DRC11: variants seen among roughly 807,000 people sequenced by gnomAD.
DRC11 encodes the protein dynein regulatory complex subunit 11.
the DRC11 span, among the ~76,000 whole-genome samples, chr2:236,402,790 T>C: frequency 6.6e-6 from 1 of 152,094 alleles, no homozygotes; most frequent in Non-Finnish European, 1.5e-5. This position sits in a 1 kb window ranked among gnomAD's most constrained non-coding sequence, Gnocchi z 6.0. Context: ...GACCCAGGCA[T>C]TAGAGAAAAG....
the DRC11 span, among the ~76,000 whole-genome samples, chr2:236,457,069 C>A: frequency 6.6e-6 from 1 of 152,162 alleles, no homozygotes; most frequent in Non-Finnish European, 1.5e-5. The surrounding 1 kb of genome is among the most constrained non-coding windows in gnomAD (Gnocchi z 4.7). Flanking sequence ...ACAACCAAGA[C>A]CCCTTTACGA....
At chr2:236,371,075 T>C in the DRC11 span, among the ~76,000 whole-genome samples, 3 of 152,126 alleles carry the variant, frequency 2.0e-5, no homozygotes, top group Non-Finnish European at 2.9e-5. This position sits in a 1 kb window ranked among gnomAD's most constrained non-coding sequence, Gnocchi z 5.1. Context: ...AGAGCATTCC[T>C]GGCCTGGTGG....
chr2:236,378,155 A>C, the DRC11 span, among the ~76,000 whole-genome samples: 1 of 152,318 alleles, frequency 6.6e-6, no homozygotes, highest in South Asian at 2.1e-4. Flanking sequence ...TCTTTGGATG[A>C]CTGGAGTTGT....
At chr2:236,387,288 G>A in the DRC11 span, among the ~76,000 whole-genome samples, 1 of 151,582 alleles carries the variant, frequency 6.6e-6, no homozygotes, top group East Asian at 2.0e-4. Flanking sequence ...TTATTAATGT[G>A]TGGGAGTCTA....
At chr2:236,344,064 G>A in the DRC11 span, among the ~76,000 whole-genome samples, 21 of 151,820 alleles carry the variant, frequency 1.4e-4, no homozygotes, top group South Asian at 2.7e-3. Flanking sequence ...ATTTGTGGGG[G>A]GAAGTGGTGG....
chr2:236,442,711 T>G, the DRC11 span, among the ~76,000 whole-genome samples: 1 of 152,352 alleles, frequency 6.6e-6, no homozygotes, highest in African/African-American at 2.4e-5. Context: ...AAAAGCACAT[T>G]AATTAATAAC....
the DRC11 span, chr2:236,377,279 G>C: frequency 2.3e-5 from 16 of 700,318 alleles, no homozygotes; most frequent in Admixed American, 3.7e-4. This position sits in a 1 kb window ranked among gnomAD's most constrained non-coding sequence, Gnocchi z 4.9. Flanking sequence ...ACTTAAACCA[G>C]ATCTATTTCA....
chr2:236,491,059 T>TATATATATATATACAC, the DRC11 span, among the ~76,000 whole-genome samples: 133 of 138,214 alleles, frequency 9.6e-4, 1 homozygote, highest in African/African-American at 3.5e-3. Context: ...TATATATATA[T>TATATATATATATACAC]ACACACAGTA....
the DRC11 span, among the ~76,000 whole-genome samples, chr2:236,372,591 T>C: frequency 6.6e-6 from 1 of 152,158 alleles, no homozygotes; most frequent in Non-Finnish European, 1.5e-5. This position sits in a 1 kb window ranked among gnomAD's most constrained non-coding sequence, Gnocchi z 4.5. Flanking sequence ...GAAATGTTCA[T>C]GAATTAAAAT....
the DRC11 span, among the ~76,000 whole-genome samples, chr2:236,416,733 A>ATATATATATATTTT: frequency 8.5e-5 from 4 of 46,850 alleles, no homozygotes; most frequent in Non-Finnish European, 8.6e-5. Flanking sequence ...ATATATATAT[A>ATATATATATATTTT]TATATATATA....
At chr2:236,495,819 C>A in the DRC11 span, among the ~76,000 whole-genome samples, 11 of 152,268 alleles carry the variant, frequency 7.2e-5, no homozygotes, top group African/African-American at 2.6e-4. This position sits in a 1 kb window ranked among gnomAD's most constrained non-coding sequence, Gnocchi z 5.6. Context: ...GCCCTCTGCA[C>A]GAAGGCTTCC....
chr2:236,421,722 T>C, the DRC11 span, among the ~76,000 whole-genome samples: 4 of 152,328 alleles, frequency 2.6e-5, no homozygotes, highest in Non-Finnish European at 4.4e-5. Flanking sequence ...AGGCCAGCGT[T>C]ATCTTGATAC....
chr2:236,360,117 T>C, the DRC11 span, among the ~76,000 whole-genome samples: 3 of 152,158 alleles, frequency 2.0e-5, no homozygotes, highest in Non-Finnish European at 4.4e-5. The surrounding 1 kb of genome is among the most constrained non-coding windows in gnomAD (Gnocchi z 5.8). Flanking sequence ...CTGTCCTAGA[T>C]TCACACCAGG....
chr2:236,440,041 C>T, the DRC11 span, among the ~76,000 whole-genome samples: 1 of 152,138 alleles, frequency 6.6e-6, no homozygotes, highest in Admixed American at 6.6e-5. Context: ...TTCTTTTGTT[C>T]AGCAAATATT....
At chr2:236,309,128 G>A in the DRC11 span, among the ~76,000 whole-genome samples, 9 of 152,196 alleles carry the variant, frequency 5.9e-5, no homozygotes, top group Middle Eastern at 3.2e-3. The surrounding 1 kb of genome is among the most constrained non-coding windows in gnomAD (Gnocchi z 5.7). Flanking sequence ...TGCGCTGTGC[G>A]TTTCCTATAG....
At chr2:236,324,015 C>G in the DRC11 span, 2 of 152,152 alleles carry the variant, frequency 1.3e-5, no homozygotes, top group Non-Finnish European at 2.9e-5. The surrounding 1 kb of genome is among the most constrained non-coding windows in gnomAD (Gnocchi z 5.7). Flanking sequence ...GAGGACTAGG[C>G]GGGGTGGATG....
the DRC11 span, among the ~76,000 whole-genome samples, chr2:236,387,090 G>A: frequency 1.3e-5 from 2 of 151,978 alleles, no homozygotes; most frequent in East Asian, 3.9e-4. Context: ...CCAGTATGTG[G>A]TCAATTTTGG....
the DRC11 span, among the ~76,000 whole-genome samples, chr2:236,449,365 G>C: frequency 6.6e-6 from 1 of 152,320 alleles, no homozygotes; most frequent in South Asian, 2.1e-4. This position sits in a 1 kb window ranked among gnomAD's most constrained non-coding sequence, Gnocchi z 5.1. Context: ...CACGAAGCCA[G>C]GGCCAGCCAG....
the DRC11 span, among the ~76,000 whole-genome samples, chr2:236,448,266 T>C: frequency 2.6e-5 from 4 of 152,320 alleles, no homozygotes; most frequent in East Asian, 1.9e-4. This position sits in a 1 kb window ranked among gnomAD's most constrained non-coding sequence, Gnocchi z 5.3. Context: ...TTTTATTTGA[T>C]TGAAAAACTT....
Sources: gnomAD v4.1 joint callset for allele counts (sites outside exome capture counted in the v4.1 genomes callset) on GRCh38, gnomAD v4.1.1 for gene constraint, Gnocchi (gnomAD v3.1) non-coding constraint, MANE v1.5 for transcripts, NCBI Gene and HGNC (gene_info 2026-07-23, HGNC 2026-07-21) for gene names.